Variants in GCNT2 observed in about 807,000 individuals in gnomAD.
GCNT2 encodes the protein N-acetyllactosaminide beta-1,6-N-acetylglucosaminyl-transferase.
Under a neutral mutation model 34.2 loss-of-function variants are expected in GCNT2, and 34 were observed. That is an observed-to-expected ratio of 1.00 (90% CI 0.76 to 1.32). The LOEUF is 1.32. Among genes scored for constraint, GCNT2 ranks in the 40% most tolerant of loss-of-function variants. GCNT2 has a pLI of 0.00. For synonymous variants in GCNT2, 212 were observed against 188.0 expected, an observed-to-expected ratio of 1.13 and a Z score of -1.04; for missense variants, 584 against 489.4, an observed-to-expected ratio of 1.19 and a Z score of -1.82.
chr6:10,605,372 CT>C (rs77371971), intron 3 of GCNT2, among the ~76,000 whole-genome samples: 63,190 of 142,682 alleles, frequency 0.44, 15,251 homozygotes, highest in East Asian at 0.63. Context: ...CCACGCCTGG[CT>C]TTTTTTTTTT....
chr6:10,621,515 G>T, intron 4 of GCNT2, 72 bp downstream of exon 4: 1 of 937,602 alleles, frequency 1.1e-6, no homozygotes, highest in Non-Finnish European at 1.7e-6. Flanking sequence ...TGGAATCCAG[G>T]GTTCTCATGG....
intron 3 of GCNT2, among the ~76,000 whole-genome samples, chr6:10,545,671 A>T (rs768089177): frequency 2.0e-5 from 3 of 152,180 alleles, no homozygotes; most frequent in Non-Finnish European, 4.4e-5. Context: ...ATCCTGAGCC[A>T]TGTGAAGCTG....
chr6:10,539,732 AAAAAC>A (rs879894347), intron 3 of GCNT2, among the ~76,000 whole-genome samples: 9 of 152,212 alleles, frequency 5.9e-5, no homozygotes, highest in Non-Finnish European at 8.8e-5. Context: ...AACTAAAACA[AAAAAC>A]AAAACCTTCT....
intron 3 of GCNT2, among the ~76,000 whole-genome samples, chr6:10,592,524 G>A (rs771088710): frequency 6.6e-5 from 10 of 152,212 alleles, no homozygotes; most frequent in Non-Finnish European, 1.5e-4. Context: ...CCTTAGGCAG[G>A]TTATAAAGTA....
intron 2 of GCNT2, 146 bp downstream of exon 2, chr6:10,527,806 G>C (rs1463249447): frequency 6.6e-6 from 1 of 152,062 alleles, no homozygotes; most frequent in African/African-American, 2.4e-5. Flanking sequence ...GATGGACTCT[G>C]TATATGTTAT....
intron 4 of GCNT2, among the ~76,000 whole-genome samples, chr6:10,624,402 G>C (rs538993346): frequency 1.5e-3 from 223 of 152,264 alleles, no homozygotes; most frequent in South Asian, 3.1e-3. Context: ...CCAAGCAAAA[G>C]AGGAAACCCC....
intron 1 of GCNT2, among the ~76,000 whole-genome samples, chr6:10,525,009 G>T (rs1581353336): frequency 6.6e-6 from 1 of 152,114 alleles, no homozygotes; most frequent in African/African-American, 2.4e-5. Context: ...GGGCACACAG[G>T]TGATGTCATG....
At chr6:10,591,582 G>A (rs1764644100) in intron 3 of GCNT2, among the ~76,000 whole-genome samples, 1 of 152,218 alleles carries the variant, frequency 6.6e-6, no homozygotes, top group Admixed American at 6.5e-5. Flanking sequence ...GAAAGTCACA[G>A]CAGGCGGCGT....
chr6:10,604,672 G>A (rs1024229483), intron 3 of GCNT2, among the ~76,000 whole-genome samples: 19 of 151,960 alleles, frequency 1.3e-4, no homozygotes, highest in African/African-American at 4.4e-4. Context: ...ACCAGCCTGG[G>A]CAACATGGTG....
At chr6:10,582,228 ATATTT>A (rs1433245509) in intron 3 of GCNT2, among the ~76,000 whole-genome samples, 6 of 106,420 alleles carry the variant, frequency 5.6e-5, no homozygotes, top group African/African-American at 2.0e-4. Flanking sequence ...ATAATTATAT[ATATTT>A]AAATATATAA....
At chr6:10,532,338 TG>T (rs1761533898) in intron 3 of GCNT2, among the ~76,000 whole-genome samples, 2 of 152,252 alleles carry the variant, frequency 1.3e-5, no homozygotes, top group Non-Finnish European at 2.9e-5. Context: ...CACCAATTCA[TG>T]TTTTTCAGAA....
At chr6:10,534,468 T>G (rs531202367) in intron 3 of GCNT2, among the ~76,000 whole-genome samples, 1 of 152,158 alleles carries the variant, frequency 6.6e-6, no homozygotes, top group East Asian at 1.9e-4. Flanking sequence ...GTGCTCTCTG[T>G]GTCCCATTCA....
At position 10,553,908 on chromosome 6, in the gene GCNT2, A is replaced by G. The variant is rs915094174; in HGVS notation, c.925+24072A>G. Among the ~76,000 whole-genome samples the G allele has an allele frequency of 3.9e-5, 6 of 152,214 alleles. 1 individual carries two copies. In the East Asian group the frequency reaches 5.8e-4, roughly 15 times the overall value. ...GACACTGCCTCAAAGGAAAAAAACC[A>G]AACATACCTCAAATAATGTCTGCAA... On this transcript the variant is annotated intron_variant, in intron 3 of 4. Transcript: ENST00000495262.
At chr6:10,523,694 C>T (rs1019022812) in intron 1 of GCNT2, among the ~76,000 whole-genome samples, 5 of 151,754 alleles carry the variant, frequency 3.3e-5, no homozygotes, top group Middle Eastern at 3.4e-3. Flanking sequence ...AAACCAAGGC[C>T]GGGCGCTGTG....
rs1326753294 is a variant in GCNT2, at chr6:10,589,111, GTGGT to G, written c.926-32239_926-32236del. On this transcript the variant is annotated intron_variant, in intron 3 of 4. Transcript: ENST00000495262. Reference sequence around the variant, plus strand: ...AGTGTGGTGTGTGTGTAGTGTGTGTGTGGTGTGTGTGTATGTGTGGTGTGGTTAT... The same window carrying G: ...AGTGTGGTGTGTGTGTAGTGTGTGTGGTGTGTGTATGTGTGGTGTGGTTAT... Among the ~76,000 whole-genome samples the G allele has an allele frequency of 2.7e-5, 4 of 146,994 alleles. No individual in the cohort carries two copies. In the East Asian group the frequency reaches 6.2e-4, roughly 23 times the overall value.
chr6:10,544,755 C>G (rs1363707860), intron 3 of GCNT2, among the ~76,000 whole-genome samples: 1 of 151,006 alleles, frequency 6.6e-6, no homozygotes, highest in Non-Finnish European at 1.5e-5. Flanking sequence ...ACCAGCCTGG[C>G]CAACGTGGTG....
Position 10,626,712 on chromosome 6 carries a change from C to G in GCNT2, c.*105C>G. 5 of 788,118 alleles carry G rather than the reference C, an allele frequency of 6.3e-6. No individual in the cohort carries two copies. The East Asian group carries it at 7.7e-5, about 12-fold the overall frequency. The allele number at this position is 788,118 out of a possible 1,614,324, so 48.8% of individuals were successfully genotyped here. A position where few individuals can be genotyped will look rare whatever the true frequency, so the allele number is the denominator to read the frequency against. ...CGTAATGTTAACCGTTTCAGGACCA[C>G]GTTTATAGCTTCAGGACCTGGCTAC... On this transcript the variant is annotated 3_prime_UTR_variant, in exon 5 of 5. Coordinates refer to ENST00000495262, the MANE Select transcript of GCNT2 (RefSeq NM_145649.5).
At chr6:10,601,505 A>G (rs973206016) in intron 3 of GCNT2, among the ~76,000 whole-genome samples, 1 of 152,214 alleles carries the variant, frequency 6.6e-6, no homozygotes, top group African/African-American at 2.4e-5. Flanking sequence ...ATGGTTTCTT[A>G]TCAGAATTCT....
Position 10,556,519 on chromosome 6 carries a change from C to G in GCNT2, c.925+26683C>G, listed in dbSNP as rs771422892. The G allele has an allele frequency of 3.1e-6, 5 of 1,613,986 alleles. No individual in the cohort carries two copies. The highest frequency in any genetic ancestry group is 2.2e-5 in the South Asian group (2 of 91,082). Reference sequence around the variant, plus strand: ...TGTTCAATTTTGGGGGAGATCCAAGCTTCCAAAGGCTAAATATCTCAGACC... The same window carrying G: ...TGTTCAATTTTGGGGGAGATCCAAGGTTCCAAAGGCTAAATATCTCAGACC... On this transcript the variant is annotated intron_variant, in intron 3 of 4. Transcript: ENST00000495262.
Sources: allele counts gnomAD v4.1 joint callset (sites outside exome capture counted in the v4.1 genomes callset), GRCh38; gene constraint gnomAD v4.1.1; transcripts MANE v1.5; gene names NCBI Gene and HGNC (gene_info 2026-07-23, HGNC 2026-07-21).